ENAH: variants seen among roughly 807,000 people sequenced by gnomAD.
ENAH encodes the protein ENAH actin regulator.
ENAH carries 23 observed loss-of-function variants against 78.7 expected under a neutral mutation model. The ratio of observed to expected loss-of-function variants is 0.29; its 90% CI spans 0.21 to 0.41. The LOEUF (loss-of-function observed/expected upper bound fraction) is 0.41. Among genes scored for constraint, ENAH ranks in the 10% least tolerant of loss-of-function variants. The probability of loss-of-function intolerance (pLI) is 1.00; values close to 1 mark genes in which losing one functional copy is unlikely to be tolerated. For missense variants in ENAH, 544 were observed against 691.0 expected (o/e 0.79, Z 2.39); for synonymous variants, 226 against 241.0 (o/e 0.94, Z 0.58).
At chr1:225,625,264 C>G (rs1657739512) in intron 1 of ENAH, among the ~76,000 whole-genome samples, 1 of 152,084 alleles carries the variant, frequency 6.6e-6, no homozygotes, top group African/African-American at 2.4e-5. Context: ...TTCTTAAATT[C>G]TTAGCTCAAA....
At chr1:225,615,695 A>G (rs898841188) in intron 1 of ENAH, among the ~76,000 whole-genome samples, 2 of 130,820 alleles carry the variant, frequency 1.5e-5, no homozygotes, top group African/African-American at 6.0e-5. Flanking sequence ...CCCAGCCGCG[A>G]CCCCGTCTGG....
Position 225,640,084 on chromosome 1 carries a change from A to C in ENAH, c.5+12602T>G, listed in dbSNP as rs575960818. Among the ~76,000 whole-genome samples, 224 of 152,376 alleles carry C rather than the reference A, an allele frequency of 1.5e-3. 1 individual carries two copies. Among genetic ancestry groups the C allele is most frequent in the African/African-American group, 5.0e-3 (210 of 41,596 alleles). Reference sequence around the variant, plus strand: ...GAGGTCAAAAGAAAATCTGAAAATCAAAGTTAGGAAAACTAATGAAGCCCT... The same window carrying C: ...GAGGTCAAAAGAAAATCTGAAAATCCAAGTTAGGAAAACTAATGAAGCCCT... On this transcript the variant is annotated intron_variant, in intron 1 of 13. Transcript: ENST00000366843.
intron 1 of ENAH, among the ~76,000 whole-genome samples, chr1:225,619,443 C>T (rs1195969317): frequency 6.6e-6 from 1 of 152,158 alleles, no homozygotes; most frequent in African/African-American, 2.4e-5. Context: ...ACTCGGGAGG[C>T]TGAGGCAGGA....
chr1:225,527,073 A>G (rs1043723432), intron 4 of ENAH, among the ~76,000 whole-genome samples: 1 of 152,222 alleles, frequency 6.6e-6, no homozygotes, highest in African/African-American at 2.4e-5. Context: ...GCCAGCGTCT[A>G]GGAGCTGAGC....
intron 4 of ENAH, among the ~76,000 whole-genome samples, chr1:225,527,699 G>A (rs1336670334): frequency 6.6e-6 from 1 of 152,136 alleles, no homozygotes; most frequent in African/African-American, 2.4e-5. Flanking sequence ...TCCTGGAGGG[G>A]GAAGGAGGAA....
At chr1:225,510,333 T>A (rs1341384789) in intron 10 of ENAH, among the ~76,000 whole-genome samples, 1 of 152,106 alleles carries the variant, frequency 6.6e-6, no homozygotes. Context: ...TATGAACAAA[T>A]CTGAATAAAA....
chr1:225,518,510 A>G (rs2096440021), intron 5 of ENAH, among the ~76,000 whole-genome samples: 1 of 150,342 alleles, frequency 6.7e-6, no homozygotes, highest in Non-Finnish European at 1.5e-5. Context: ...CTAAAAATAC[A>G]TAAATTAACT....
intron 2 of ENAH, among the ~76,000 whole-genome samples, chr1:225,562,571 CAAAAAAAAAAAAA>C (rs869309795): frequency 3.4e-4 from 13 of 38,096 alleles, no homozygotes; most frequent in Non-Finnish European, 3.6e-4. Flanking sequence ...GACTGCGTCT[CAAAAAAAAAAAAA>C]AAAAAAAAAA....
chr1:225,516,615 T>C (rs2096419495), intron 6 of ENAH, among the ~76,000 whole-genome samples: 3 of 152,174 alleles, frequency 2.0e-5, no homozygotes, highest in Non-Finnish European at 2.9e-5. Context: ...TGCTCACACT[T>C]GTAATCCTAG....
chr1:225,576,332 T>C (rs2096787994), intron 1 of ENAH, among the ~76,000 whole-genome samples: 1 of 151,520 alleles, frequency 6.6e-6, no homozygotes, highest in Non-Finnish European at 1.5e-5. Flanking sequence ...TGACCAAATG[T>C]ATTCATTATA....
At chr1:225,526,503 T>C (rs1445246003) in intron 4 of ENAH, among the ~76,000 whole-genome samples, 1 of 152,154 alleles carries the variant, frequency 6.6e-6, no homozygotes, top group Non-Finnish European at 1.5e-5. Flanking sequence ...CAGGCCTGGC[T>C]AATTTTTGCA....
Position 225,491,675 on chromosome 1 carries a change from C to T in ENAH, c.*6100G>A, listed in dbSNP as rs138960879. On this transcript the variant is annotated 3_prime_UTR_variant, in exon 14 of 14. Coordinates refer to ENST00000366843, the MANE Select transcript of ENAH (RefSeq NM_018212.6). ...CAGTTTCTATAGACTTGGATGGAAA[C>T]TTTTGGACTTGATGGGAAAATTAAC... is the stretch of plus-strand genomic sequence containing the variant. 133 of 152,230 alleles carry T rather than the reference C, an allele frequency of 8.7e-4. 1 individual carries two copies. Among genetic ancestry groups the T allele is most frequent in the African/African-American group, 3.2e-3 (133 of 41,548 alleles). The allele number at this position is 152,230 out of a possible 1,614,324, so 9.4% of individuals were successfully genotyped here.
At chr1:225,545,252 T>C (rs929934345) in intron 3 of ENAH, among the ~76,000 whole-genome samples, 2 of 152,212 alleles carry the variant, frequency 1.3e-5, no homozygotes, top group African/African-American at 4.8e-5. Context: ...CCTTTAAGAT[T>C]TTTTTGCTTT....
Position 225,507,865 on chromosome 1 carries a change from T to A in ENAH, c.1538+86A>T, listed in dbSNP as rs1462338792. ...TTATGGGCTCCTCTGTATAATTTCT[T>A]ACCATTCAATTTTTTTCTACACTAA... On this transcript the variant is annotated intron_variant, in intron 11 of 13. Coordinates refer to ENST00000366843, the MANE Select transcript of ENAH (RefSeq NM_018212.6). The A allele has an allele frequency of 8.6e-6, 8 of 925,690 alleles. No individual in the cohort carries two copies. The East Asian group carries it at 2.3e-4, about 26-fold the overall frequency. The allele number at this position is 925,690 out of a possible 1,614,324, so 57.3% of individuals were successfully genotyped here.
At chr1:225,500,279 T>G (rs3820226) in intron 12 of ENAH, among the ~76,000 whole-genome samples, 100,822 of 152,052 alleles carry the variant, frequency 0.66, 33,719 homozygotes, top group Middle Eastern at 0.74. Flanking sequence ...ATCTTATCAC[T>G]TACTACTTTT....
chr1:225,585,663 C>A (rs896613612), intron 1 of ENAH, among the ~76,000 whole-genome samples: 2 of 152,106 alleles, frequency 1.3e-5, no homozygotes, highest in South Asian at 2.1e-4. Flanking sequence ...GTGGTGTGCA[C>A]CTGTAGTCCC....
chr1:225,615,259 GGTCTC>G (rs2097020301), intron 1 of ENAH, among the ~76,000 whole-genome samples: 1 of 152,222 alleles, frequency 6.6e-6, no homozygotes, highest in African/African-American at 2.4e-5. Context: ...TGGCCCGACT[GGTCTC>G]CAGCTCCTGA....
chr1:225,607,204 A>G (rs2096960692), intron 1 of ENAH, among the ~76,000 whole-genome samples: 1 of 152,178 alleles, frequency 6.6e-6, no homozygotes, highest in Admixed American at 6.5e-5. Flanking sequence ...CGTAAAATAC[A>G]CTAACAACAA....
At chr1:225,534,654 T>C (rs1453596156) in intron 3 of ENAH, among the ~76,000 whole-genome samples, 1 of 152,084 alleles carries the variant, frequency 6.6e-6, no homozygotes, top group Non-Finnish European at 1.5e-5. Flanking sequence ...TAAAATAATC[T>C]GGCTAGCAAG....
Sources: allele counts gnomAD v4.1 joint callset (sites outside exome capture counted in the v4.1 genomes callset), GRCh38; gene constraint gnomAD v4.1.1; transcripts MANE v1.5; gene names NCBI Gene and HGNC (gene_info 2026-07-23, HGNC 2026-07-21).